GLRA3: variants seen among roughly 807,000 people sequenced by gnomAD.
The protein encoded by GLRA3 is glycine receptor subunit alpha-3.
GLRA3 carries 44 observed loss-of-function variants against 60.4 expected under a neutral mutation model. The ratio of observed to expected loss-of-function variants is 0.73; its 90% CI spans 0.57 to 0.94. The LOEUF is 0.94. Among genes scored for constraint, GLRA3 ranks in the 40% least tolerant of loss-of-function variants. The pLI, the probability that GLRA3 is intolerant of heterozygous loss-of-function variation, is 0.00. For missense variants in GLRA3, 508 were observed against 564.6 expected, an observed-to-expected ratio of 0.90 and a Z score of 1.02; for synonymous variants, 223 against 192.9, an observed-to-expected ratio of 1.16 and a Z score of -1.29.
intron 5 of GLRA3, among the ~76,000 whole-genome samples, chr4:174,695,717 T>C (rs1028536184): frequency 3.3e-5 from 5 of 152,072 alleles, no homozygotes; most frequent in East Asian, 1.9e-4. Flanking sequence ...TTATTCAACA[T>C]AGTATTGAAA....
intron 9 of GLRA3, among the ~76,000 whole-genome samples, chr4:174,648,024 A>G (rs1470958359): frequency 6.6e-6 from 1 of 152,210 alleles, no homozygotes; most frequent in African/African-American, 2.4e-5. Context: ...AGCTGATAAC[A>G]TATTTTTGGA....
chr4:174,704,034 CA>C lies in GLRA3; in HGVS notation c.574+11453del, dbSNP rs1352733176. On this transcript the variant is annotated intron_variant, in intron 5 of 9. Coordinates refer to ENST00000274093, the MANE Select transcript of GLRA3 (RefSeq NM_006529.4). ...AAGAGGCTGGGCACGGTGGCACAGGCATGTAATCCCATTTTTTGGGGGTGCT... is the reference window on the plus strand; with the variant it reads ...AAGAGGCTGGGCACGGTGGCACAGGCTGTAATCCCATTTTTTGGGGGTGCT... Among the ~76,000 whole-genome samples, 2 of 103,410 alleles carry C rather than the reference CA, an allele frequency of 1.9e-5. 1 individual carries two copies. Among genetic ancestry groups the C allele is most frequent in the Non-Finnish European group, 4.5e-5 (2 of 44,080 alleles). The allele number at this position is 103,410 out of a possible 152,430, so 67.8% of individuals were successfully genotyped here. A position where few individuals can be genotyped will look rare whatever the true frequency, so the allele number is the denominator to read the frequency against.
In GLRA3 at chr4:174,792,671, T is replaced by C. The variant is rs542993594; in HGVS notation, c.72-3728A>G. ...GTGCCCACACTATTACTGATTGCCT[T>C]AGGCACCTGTGAAGTTAAAAAAATG... On this transcript the variant is annotated intron_variant, in intron 1 of 9. Transcript: ENST00000274093. Among the ~76,000 whole-genome samples the C allele has an allele frequency of 3.3e-5, 5 of 152,340 alleles. No individual in the cohort carries two copies. In the East Asian group the frequency reaches 9.7e-4, roughly 29 times the overall value.
chr4:174,782,107 AG>A (rs1275214302), intron 2 of GLRA3, among the ~76,000 whole-genome samples: 1 of 147,620 alleles, frequency 6.8e-6, no homozygotes, highest in African/African-American at 2.5e-5. Context: ...CACATCAAAA[AG>A]CTTATCCACC....
At chr4:174,817,753 T>C (rs1740567704) in intron 1 of GLRA3, among the ~76,000 whole-genome samples, 1 of 152,044 alleles carries the variant, frequency 6.6e-6, no homozygotes, top group Non-Finnish European at 1.5e-5. Context: ...ATTAAAGGTG[T>C]GCACCACAAC....
chr4:174,759,320 T>A (rs1241915195), intron 3 of GLRA3, among the ~76,000 whole-genome samples: 1 of 151,738 alleles, frequency 6.6e-6, no homozygotes, highest in Non-Finnish European at 1.5e-5. Context: ...AATGAAGTGT[T>A]AAAAAATAAC....
chr4:174,783,915 T>C (rs2111288742), intron 2 of GLRA3, among the ~76,000 whole-genome samples: 1 of 151,766 alleles, frequency 6.6e-6, no homozygotes, highest in East Asian at 1.9e-4. Flanking sequence ...AGTGTGGCGA[T>C]TCCTCAGGGA....
chr4:174,691,270 G>C (rs564635437), intron 5 of GLRA3, among the ~76,000 whole-genome samples: 1 of 152,268 alleles, frequency 6.6e-6, no homozygotes, highest in Non-Finnish European at 1.5e-5. Flanking sequence ...TTGTGGTTTT[G>C]ACTTGGATTT....
chr4:174,705,675 C>T (rs1210189454), intron 5 of GLRA3, among the ~76,000 whole-genome samples: 1 of 99,436 alleles, frequency 1.0e-5, no homozygotes, highest in African/African-American at 2.9e-5. Flanking sequence ...AATATGGCTA[C>T]AAGTGGGCTA....
chr4:174,655,291 T>C (rs1236309705), intron 9 of GLRA3, among the ~76,000 whole-genome samples: 1 of 152,156 alleles, frequency 6.6e-6, no homozygotes, highest in African/African-American at 2.4e-5. Context: ...ATTGTTAGTT[T>C]AGGGAAATAG....
chr4:174,664,469 C>G (rs1430359568), intron 7 of GLRA3, among the ~76,000 whole-genome samples: 2 of 152,142 alleles, frequency 1.3e-5, no homozygotes, highest in Non-Finnish European at 2.9e-5. Flanking sequence ...CCTCTCTTCT[C>G]ATTAAGAGAC....
chr4:174,828,502 C>T (rs1023790275), intron 1 of GLRA3, among the ~76,000 whole-genome samples: 3 of 152,002 alleles, frequency 2.0e-5, no homozygotes, highest in South Asian at 4.1e-4. Context: ...TTTTTTTTCT[C>T]AGCTGCAAAT....
chr4:174,722,513 C>G (rs1482896220), intron 4 of GLRA3: 2 of 152,166 alleles, frequency 1.3e-5, no homozygotes, highest in Non-Finnish European at 2.9e-5. Context: ...CTATCTCTGT[C>G]TAAGTCAGTT....
At chr4:174,769,742 A>G (rs1738306744) in intron 2 of GLRA3, among the ~76,000 whole-genome samples, 1 of 152,058 alleles carries the variant, frequency 6.6e-6, no homozygotes, top group Non-Finnish European at 1.5e-5. Flanking sequence ...CATATGCTCC[A>G]GTAATGTTTT....
Position 174,643,082 on chromosome 4 carries a change from ATTTCC to A in GLRA3, c.*699_*703del. The A allele has an allele frequency of 1.1e-6, 1 of 940,310 alleles. No individual in the cohort carries two copies. Among genetic ancestry groups the A allele is most frequent in the Non-Finnish European group, 1.3e-6 (1 of 790,086 alleles). 58.2% of individuals were successfully genotyped at this position (940,310 alleles called of 1,614,324 possible). ...ATTTAAAAACAAAGTTGTTTCCCGT[ATTTCC>A]ACCTTCGTTCCTAGAGATACAAAGT... On this transcript the variant is annotated 3_prime_UTR_variant, in exon 10 of 10. Coordinates refer to ENST00000274093, the MANE Select transcript of GLRA3 (RefSeq NM_006529.4).
At position 174,674,937 on chromosome 4, in the gene GLRA3, T is replaced by A. The variant is rs190927696; in HGVS notation, c.927+2141A>T. ...ATCAGAATTGTACTTTTAAAGAGAT[T>A]TTCTACTCTTTTGAATGGTCTCATC... is the stretch of plus-strand genomic sequence containing the variant. On this transcript the variant is annotated intron_variant, in intron 7 of 9. Transcript: ENST00000274093. Among the ~76,000 whole-genome samples the A allele has an allele frequency of 3.9e-5, 6 of 152,286 alleles. No individual in the cohort carries two copies. The East Asian group carries it at 9.7e-4, about 25-fold the overall frequency.
intron 6 of GLRA3, among the ~76,000 whole-genome samples, chr4:174,681,030 A>G (rs953947671): frequency 6.6e-6 from 1 of 152,188 alleles, no homozygotes; most frequent in African/African-American, 2.4e-5. Flanking sequence ...TGAGGACTCT[A>G]TGAGATGCTT....
intron 9 of GLRA3, among the ~76,000 whole-genome samples, chr4:174,651,230 G>A (rs1261089660): frequency 6.6e-6 from 1 of 152,122 alleles, no homozygotes; most frequent in African/African-American, 2.4e-5. Context: ...TATCCCATCT[G>A]CCCAGAGAGC....
At chr4:174,756,835 G>A (rs1737725497) in intron 3 of GLRA3, among the ~76,000 whole-genome samples, 1 of 152,026 alleles carries the variant, frequency 6.6e-6, no homozygotes. Flanking sequence ...TTTTAGTAGA[G>A]ACGGGGTTTC....
Sources: allele counts gnomAD v4.1 joint callset (sites outside exome capture counted in the v4.1 genomes callset), GRCh38; gene constraint gnomAD v4.1.1; transcripts MANE v1.5; gene names NCBI Gene and HGNC (gene_info 2026-07-23, HGNC 2026-07-21).